Variants in MCM3AP observed in about 807,000 individuals in gnomAD.
MCM3AP encodes germinal-center associated nuclear protein.
A neutral mutation model predicts 184.1 loss-of-function variants in MCM3AP; 126 were observed. That is an observed-to-expected ratio of 0.68 (90% CI 0.59 to 0.79). The LOEUF is 0.79. Ranked by LOEUF, MCM3AP falls within the 30% of genes least tolerant of loss-of-function variation. MCM3AP has a pLI of 0.00. For missense variants in MCM3AP, 2,496 were observed against 2,479.2 expected (o/e 1.01, Z -0.14); for synonymous variants, 1,002 against 979.3 (o/e 1.02, Z -0.43).
chr21:46,246,540 C>T, intron 21 of MCM3AP, 88 bp downstream of exon 21: 1 of 1,557,116 alleles, frequency 6.4e-7, no homozygotes. Flanking sequence ...GATTCCTGAC[C>T]CCAACACTAC....
chr21:46,241,125 G>A, intron 25 of MCM3AP, 108 bp from the exon 26 acceptor site: 1 of 823,238 alleles, frequency 1.2e-6, no homozygotes, highest in South Asian at 1.6e-5. Flanking sequence ...GTAAGAACAT[G>A]TGCCTCAGAC....
chr21:46,264,730 C>G (rs1483515446), intron 12 of MCM3AP, among the ~76,000 whole-genome samples: 1 of 152,162 alleles, frequency 6.6e-6, no homozygotes, highest in African/African-American at 2.4e-5. Context: ...GGTGCACAGC[C>G]AGAGACCACA....
rs757113775 is a variant in MCM3AP, at chr21:46,240,825, T to C, written c.5619A>G (p.Lys1873=). 8 of 1,614,152 alleles carry C rather than the reference T, an allele frequency of 5.0e-6. No homozygotes were observed. Among genetic ancestry groups the C allele is most frequent in the South Asian group, 4.4e-5 (4 of 91,074 alleles). Residue 1873 remains lysine (K), a synonymous_variant, in exon 26 of 28, where the codon AAA becomes AAG. Coordinates refer to ENST00000291688, the MANE Select transcript of MCM3AP (RefSeq NM_003906.5). ...QCLSSSLLLE[K]EENKRFEDQL... ...GTGGGCTTCACCTCTTGTTCTCTTC[T>C]TTCTCCAGCAGCAGACTGCTCGACA...
At chr21:46,252,056 AG>A (rs2145638047) in intron 19 of MCM3AP, 1 of 166,490 alleles carries the variant, frequency 6.0e-6, no homozygotes, top group South Asian at 1.5e-4. Context: ...TGTCACTCAA[AG>A]GGTCTCACTA....
intron 20 of MCM3AP, chr21:46,249,788 G>A: frequency 3.5e-6 from 1 of 284,858 alleles, no homozygotes; most frequent in South Asian, 3.0e-5. Flanking sequence ...ATCCTCAAGA[G>A]CCAGATGAGC....
chr21:46,278,735 G>A (rs780236140), intron 4 of MCM3AP, among the ~76,000 whole-genome samples: 5 of 151,812 alleles, frequency 3.3e-5, no homozygotes, highest in East Asian at 1.9e-4. Flanking sequence ...GTGCAGTGGC[G>A]CAATCTCGGC....
Position 46,260,866 on chromosome 21 carries a change from G to A in MCM3AP, c.3508C>T (p.Gln1170Ter). Residue 1170 changes from glutamine to a stop codon, truncating the protein, a stop_gained, in exon 15 of 28, where the codon CAG becomes TAG. Coordinates refer to ENST00000291688, the MANE Select transcript of MCM3AP (RefSeq NM_003906.5). LOFTEE classifies it high-confidence loss of function. ...TCCATCAGCTCCACGGCCAGGCCCT[G>A]GCTCAGCTCACTTAACACCAGCTCT... ...ERELVLSELS[Q>*]GLAVELMERV... The A allele has an allele frequency of 1.2e-6, 2 of 1,614,092 alleles. No homozygotes were observed. Among genetic ancestry groups the A allele is most frequent in the Non-Finnish European group, 1.7e-6 (2 of 1,179,958 alleles).
chr21:46,284,843 A>G lies in MCM3AP; in HGVS notation c.444T>C (p.Pro148=). ...GFGKTEFSFK[P]LENAVFKPIL... ...TTGGTTTGAACACTGCATTTTCCAG[A>G]GGTTTAAAGCTGAATTCTGTTTTCC... Residue 148 remains proline, a synonymous_variant, in exon 1 of 28, where the codon CCT becomes CCC. Transcript: ENST00000291688. 5.6e-6 allele frequency: 9 copies of G among 1,614,132 alleles called. No homozygotes were observed. In the Admixed American group the frequency reaches 1.5e-4, roughly 27 times the overall value.
intron 22 of MCM3AP, among the ~76,000 whole-genome samples, chr21:46,245,727 G>A (rs1308472384): frequency 6.6e-6 from 1 of 152,108 alleles, no homozygotes; most frequent in African/African-American, 2.4e-5. Flanking sequence ...TCAAACTCCT[G>A]AGCTCAAGCA....
chr21:46,280,245 G>C lies in MCM3AP; in HGVS notation c.1523-108C>G, dbSNP rs2081315031. 4.8e-6 allele frequency: 6 copies of C among 1,247,054 alleles called. No individual in the cohort carries two copies. The East Asian group carries it at 1.4e-4, about 29-fold the overall frequency. 77.2% of individuals were successfully genotyped at this position (1,247,054 alleles called of 1,614,324 possible). A position where few individuals can be genotyped will look rare whatever the true frequency, so the allele number is the denominator to read the frequency against. On this transcript the variant is annotated intron_variant, in intron 3 of 27. Coordinates refer to ENST00000291688, the MANE Select transcript of MCM3AP (RefSeq NM_003906.5). The stretch of plus-strand genomic sequence containing the variant: ...TAATATTATTTTCATTGTCACAGGA[G>C]GTTAGAGAAGAGCCCAAGGAAATAA...
Position 46,235,168 on chromosome 21 carries a change from A to G in MCM3AP, c.*100T>C, listed in dbSNP as rs1451654943. Reference sequence around the variant, plus strand: ...ATGGTTTATCTGCATGATTAAATTAATCACATTTCCAACAGTGCATCAAGC... The same window carrying G: ...ATGGTTTATCTGCATGATTAAATTAGTCACATTTCCAACAGTGCATCAAGC... On this transcript the variant is annotated 3_prime_UTR_variant, in exon 28 of 28. Transcript: ENST00000291688. The G allele has an allele frequency of 7.9e-7, 1 of 1,266,208 alleles. No homozygotes were observed. 78.4% of individuals were successfully genotyped at this position (1,266,208 alleles called of 1,614,324 possible). A position where few individuals can be genotyped will look rare whatever the true frequency, so the allele number is the denominator to read the frequency against.
intron 20 of MCM3AP, chr21:46,249,770 C>T: frequency 6.5e-6 from 2 of 308,474 alleles, no homozygotes; most frequent in East Asian, 1.0e-4. Context: ...TGTGTTTGCA[C>T]TCATTTTATC....
At chr21:46,281,107 CT>C (rs1037371567) in intron 2 of MCM3AP, among the ~76,000 whole-genome samples, 1 of 151,948 alleles carries the variant, frequency 6.6e-6, no homozygotes, top group African/African-American at 2.4e-5. Flanking sequence ...CGCCCGGCCC[CT>C]TTTTTTTAAT....
At chr21:46,250,699 A>G (rs1159032152) in intron 20 of MCM3AP, 1 of 152,264 alleles carries the variant, frequency 6.6e-6, no homozygotes, top group Non-Finnish European at 1.5e-5. Context: ...AGATGAGGCC[A>G]CAATCCTAGC....
chr21:46,251,437 G>A, intron 20 of MCM3AP, 92 bp downstream of exon 20: 1 of 1,048,844 alleles, frequency 9.5e-7, no homozygotes, highest in East Asian at 2.5e-5. Flanking sequence ...CCACATTAGG[G>A]AATAAGCAGT....
intron 9 of MCM3AP, among the ~76,000 whole-genome samples, chr21:46,269,134 A>T (rs1569074395): frequency 1.3e-5 from 2 of 151,926 alleles, no homozygotes; most frequent in Non-Finnish European, 2.9e-5. Context: ...ATTTTTGTTT[A>T]TTTTTTTTGA....
chr21:46,285,423 G>C lies in MCM3AP; in HGVS notation c.-137C>G. On this transcript the variant is annotated 5_prime_UTR_variant, in exon 1 of 28. Coordinates refer to ENST00000291688, the MANE Select transcript of MCM3AP (RefSeq NM_003906.5). ...AAAGAGAAAAATTCAGATCATCATA[G>C]CTATGTTCTGCTACAAGTCTAAGAA... 3.2e-6 allele frequency: 2 copies of C among 634,802 alleles called. No homozygotes were observed. The highest frequency in any genetic ancestry group is 5.6e-6 in the Non-Finnish European group (2 of 359,646). 39.3% of individuals were successfully genotyped at this position (634,802 alleles called of 1,614,324 possible).
intron 15 of MCM3AP, 91 bp from the exon 16 acceptor site, chr21:46,259,182 G>GTGAGCCA: frequency 7.3e-7 from 1 of 1,364,218 alleles, no homozygotes; most frequent in Non-Finnish European, 1.0e-6. Context: ...TCAGTCAGGC[G>GTGAGCCA]CGGTGGCTCA....
intron 13 of MCM3AP, among the ~76,000 whole-genome samples, chr21:46,263,522 G>A (rs549384215): frequency 2.0e-4 from 31 of 152,008 alleles, no homozygotes; most frequent in African/African-American, 6.8e-4. Flanking sequence ...AGTGGCTCAT[G>A]CCTGTAATCC....
Sources: allele counts gnomAD v4.1 joint callset (sites outside exome capture counted in the v4.1 genomes callset), GRCh38; gene constraint gnomAD v4.1.1; transcripts MANE v1.5; gene names NCBI Gene and HGNC (gene_info 2026-07-23, HGNC 2026-07-21).